L3HYPDH: variants seen among roughly 807,000 people sequenced by gnomAD.
L3HYPDH encodes trans-3-hydroxy-L-proline dehydratase.
In L3HYPDH, 32 loss-of-function variants were observed where a neutral mutation model predicts 26.5. The ratio of observed to expected loss-of-function variants is 1.21; its 90% confidence interval spans 0.91 to 1.62. The LOEUF (loss-of-function observed/expected upper bound fraction) is 1.62. Among genes scored for constraint, L3HYPDH ranks in the 40% most tolerant of loss-of-function variants. The pLI is 0.00. For synonymous variants in L3HYPDH, 215 were observed against 196.6 expected (o/e 1.09, Z -0.78); for missense variants, 554 against 476.4 (o/e 1.16, Z -1.52).
chr14:59,500,914 C>T, the L3HYPDH span: 11 of 296,686 alleles, frequency 3.7e-5, no homozygotes, highest in South Asian at 3.6e-4. Context: ...GGAACACAGC[C>T]GTGCCCATTC....
Position 59,472,993 on chromosome 14 carries a change from G to T in L3HYPDH, c.1037C>A (p.Pro346Gln), listed in dbSNP as rs747492381. 5.6e-6 allele frequency: 9 copies of T among 1,604,842 alleles called. 1 individual carries two copies. The South Asian group carries it at 1.0e-4, about 18-fold the overall frequency. ...CTTGAGAAGAAATCCATCCCTCAAT[G>T]GGTCGTCATCTTCTATTATAAAGCT... ...TASFIIEDDD[P>Q]LRDGFLLK Residue 346 changes from proline to glutamine, a missense_variant, in exon 5 of 5, where the codon CCA becomes CAA. Coordinates refer to ENST00000247194, the MANE Select transcript of L3HYPDH (RefSeq NM_144581.2).
At chr14:59,473,690 G>T (rs1370366333) in intron 4 of L3HYPDH, among the ~76,000 whole-genome samples, 1 of 152,168 alleles carries the variant, frequency 6.6e-6, no homozygotes, top group East Asian at 1.9e-4. Flanking sequence ...AAGACATACA[G>T]GGTAGGTAGT....
At chr14:59,478,093 A>G (rs954265906) in intron 2 of L3HYPDH, among the ~76,000 whole-genome samples, 2 of 152,208 alleles carry the variant, frequency 1.3e-5, no homozygotes, top group African/African-American at 4.8e-5. Context: ...ATAGGAATTA[A>G]TGTTCTCTAT....
At position 59,479,225 on chromosome 14, in the gene L3HYPDH, A is replaced by C. The variant is rs933003196; in HGVS notation, c.635T>G (p.Leu212Arg). ...TGTCACTGCACTCGCTGCATCCACA[A>C]GGTCCCTGGTCTTTGCAGAACAAAT... ...LDICSAKTRD[L>R]VDAASAVTEA... is the part of the protein sequence containing the mutation. Residue 212 changes from leucine (L) to arginine (R), a missense_variant, in exon 2 of 5, where the codon CTT becomes CGT. By Grantham distance (102) the Leu-to-Arg change is moderately radical. Coordinates refer to ENST00000247194, the MANE Select transcript of L3HYPDH (RefSeq NM_144581.2). The C allele has an allele frequency of 2.5e-6, 4 of 1,611,652 alleles. No homozygotes were observed. The highest frequency in any genetic ancestry group is 3.4e-6 in the Non-Finnish European group (4 of 1,179,570).
intron 1 of L3HYPDH, among the ~76,000 whole-genome samples, chr14:59,482,389 G>C (rs541494988): frequency 6.6e-6 from 1 of 152,166 alleles, no homozygotes; most frequent in Non-Finnish European, 1.5e-5. Context: ...CTACTGAGAG[G>C]AACTACTGAG....
Position 59,476,139 on chromosome 14 carries a change from A to C in L3HYPDH, c.754T>G (p.Tyr252Asp), listed in dbSNP as rs765388057. The C allele has an allele frequency of 6.2e-7, 1 of 1,614,002 alleles. No individual in the cohort carries two copies. Among genetic ancestry groups the C allele is most frequent in the Admixed American group, 1.7e-5 (1 of 60,010 alleles). The change falls in exon 3 of 5, where the codon TAT becomes GAT. Residue 252 changes from tyrosine to aspartate, a missense_variant. Physicochemically the swap from Tyr to Asp is radical, Grantham distance 160. Coordinates refer to ENST00000247194, the MANE Select transcript of L3HYPDH (RefSeq NM_144581.2). ...GTILTDGKDA[Y>D]TKEPTTNICV... ...ATGTTGGTGGTTGGTTCCTTGGTAT[A>C]AGCATCTTTTCCATCTGTTAATATA...
rs1475779204 is a variant in L3HYPDH at position 59,483,943 on chromosome 14, G to A, written c.374C>T (p.Pro125Leu). Residue 125 changes from proline (P) to leucine (L), a missense_variant, in exon 1 of 5, where the codon CCT becomes CTT. Transcript: ENST00000247194. ...ALDFGLVPAP[P>L]AGTREARVNI... ...GACGCGGGCCTCGCGGGTGCCCGCA[G>A]GGGGCGCCGGCACAAGCCCGAAGTC... The A allele has an allele frequency of 1.9e-6, 3 of 1,556,804 alleles. No individual in the cohort carries two copies. The highest frequency in any genetic ancestry group is 1.9e-5 in the Admixed American group (1 of 53,438).
chr14:59,494,049 C>T, the L3HYPDH span, among the ~76,000 whole-genome samples: 1 of 151,990 alleles, frequency 6.6e-6, no homozygotes, highest in East Asian at 1.9e-4. Context: ...ACGTTAGGCA[C>T]AGAAATCTCT....
Position 59,475,879 on chromosome 14 carries a change from T to C in L3HYPDH, c.929A>G (p.Lys310Arg), listed in dbSNP as rs200348270. ...SSATGSVFTG[K>R]AVREAKCGDF... is the part of the protein sequence containing the mutation. ...AAGGGTGCCACTTACCCTCACAGCT[T>C]TCCCTGTGAATACTGAGCCAGTTGC... Residue 310 changes from lysine to arginine, a missense_variant, in exon 4 of 5, where the codon AAA becomes AGA. Coordinates refer to ENST00000247194, the MANE Select transcript of L3HYPDH (RefSeq NM_144581.2). 22 of 1,612,540 alleles carry C rather than the reference T, an allele frequency of 1.4e-5. No homozygotes were observed. The African/African-American group carries it at 2.9e-4, about 22-fold the overall frequency.
At chr14:59,498,397 A>G in the L3HYPDH span, among the ~76,000 whole-genome samples, 4 of 152,242 alleles carry the variant, frequency 2.6e-5, no homozygotes, top group Non-Finnish European at 4.4e-5. Context: ...AAGTGATTCA[A>G]TAAAAATCCT....
chr14:59,487,640 T>C, upstream of L3HYPDH: 6 of 1,536,856 alleles, frequency 3.9e-6, no homozygotes, highest in African/African-American at 2.7e-5. Flanking sequence ...TAAAATAATA[T>C]CTGTACACAA....
intron 1 of L3HYPDH, 53 bp from the exon 2 acceptor site, chr14:59,479,404 G>C: frequency 6.8e-7 from 1 of 1,463,562 alleles, no homozygotes. Flanking sequence ...AAGTATTTTA[G>C]CAATAAAATT....
At chr14:59,486,468 C>G (rs1890581596), upstream of L3HYPDH, among the ~76,000 whole-genome samples, 1 of 152,166 alleles carries the variant, frequency 6.6e-6, no homozygotes, top group Non-Finnish European at 1.5e-5. Flanking sequence ...GAGATAGATC[C>G]TGCTCTGCTG....
chr14:59,470,407 G>T (rs1476544533), downstream of L3HYPDH, among the ~76,000 whole-genome samples: 1 of 152,220 alleles, frequency 6.6e-6, no homozygotes, highest in African/African-American at 2.4e-5. Flanking sequence ...TATGCTATCT[G>T]TGTCTTTCAG....
the L3HYPDH span, among the ~76,000 whole-genome samples, chr14:59,495,611 A>T: frequency 5.3e-5 from 8 of 152,174 alleles, no homozygotes; most frequent in Non-Finnish European, 8.8e-5. Flanking sequence ...AAAATTCTGT[A>T]TGCAATTATG....
At chr14:59,468,401 T>C (rs981527980), downstream of L3HYPDH, among the ~76,000 whole-genome samples, 2 of 152,234 alleles carry the variant, frequency 1.3e-5, no homozygotes, top group Non-Finnish European at 1.5e-5. Context: ...TCCTTAAACC[T>C]TCCATCTTAG....
At chr14:59,465,978 G>C (rs1022617994) in intron 1 of L3HYPDH, among the ~76,000 whole-genome samples, 1 of 152,170 alleles carries the variant, frequency 6.6e-6, no homozygotes, top group Non-Finnish European at 1.5e-5. Context: ...CACACTTACA[G>C]AAGCACTGAT....
At chr14:59,481,069 C>T (rs573585369) in intron 1 of L3HYPDH, among the ~76,000 whole-genome samples, 1 of 152,290 alleles carries the variant, frequency 6.6e-6, no homozygotes, top group Admixed American at 6.5e-5. Flanking sequence ...AGCCTACAAT[C>T]ATTTCCCTGG....
the L3HYPDH span, among the ~76,000 whole-genome samples, chr14:59,494,121 G>GGTGT: frequency 0.07 from 10,552 of 151,034 alleles, 429 homozygotes; most frequent in Middle Eastern, 0.13. Flanking sequence ...AGAAAATTTG[G>GGTGT]GTGTGTGTGT....
Sources: allele counts gnomAD v4.1 joint callset (sites outside exome capture counted in the v4.1 genomes callset), GRCh38; gene constraint gnomAD v4.1.1; transcripts MANE v1.5; gene names NCBI Gene and HGNC (gene_info 2026-07-23, HGNC 2026-07-21).